The following FUCA2 variants were observed in gnomAD, a reference collection of about 807,000 sequenced individuals.
The protein encoded by FUCA2 is alpha-L-fucosidase 2.
Under a neutral mutation model 52.6 loss-of-function variants are expected in FUCA2, and 41 were observed. The observed-to-expected ratio is 0.78, with a 90% confidence interval of 0.61 to 1.01. FUCA2 has a LOEUF of 1.01. Ranked by LOEUF, FUCA2 falls within the 50% of genes least tolerant of loss-of-function variation. FUCA2 has a pLI of 0.00. For missense variants in FUCA2, 507 were observed against 569.5 expected, an observed-to-expected ratio of 0.89 and a Z score of 1.12; for synonymous variants, 211 against 217.3, an observed-to-expected ratio of 0.97 and a Z score of 0.26.
rs1476851149 is a variant in FUCA2 at position 143,495,699 on chromosome 6, G to A, written c.*8C>T. 2.5e-6 allele frequency: 4 copies of A among 1,611,724 alleles called. No homozygotes were observed. The highest frequency in any genetic ancestry group is 2.7e-5 in the African/African-American group (2 of 74,894). On this transcript the variant is annotated 3_prime_UTR_variant, in exon 7 of 7. Transcript: ENST00000002165. This position sits in a 1 kb window ranked among gnomAD's most constrained non-coding sequence, Gnocchi z 5.2. ...CATAACTTGCAGCATCAGCCACTCT[G>A]CTGCACTTTAGATCACATTAGTCAG...
At position 143,502,707 on chromosome 6, in the gene FUCA2, A is replaced by T; in HGVS notation, c.753-142T>A. 1.4e-6 allele frequency: 1 copy of T among 699,868 alleles called. No homozygotes were observed. The highest frequency in any genetic ancestry group is 2.3e-6 in the Non-Finnish European group (1 of 434,398). 43.4% of individuals were successfully genotyped at this position (699,868 alleles called of 1,614,324 possible). ...TACAGTGGAAAGCCCATGGTTTTGA[A>T]GTCAAACAGACCTGAGTTGATTGGA... is the stretch of plus-strand genomic sequence containing the variant. On this transcript the variant is annotated intron_variant, in intron 3 of 6. Coordinates refer to ENST00000002165, the MANE Select transcript of FUCA2 (RefSeq NM_032020.5). This position sits in a 1 kb window ranked among gnomAD's most constrained non-coding sequence, Gnocchi z 4.1.
chr6:143,503,937 A>G lies in FUCA2; in HGVS notation c.728T>C (p.Phe243Ser), dbSNP rs746495391. The change falls in exon 3 of 7, where the codon TTC becomes TCC. Residue 243 changes from phenylalanine (F) to serine (S), a missense_variant. By Grantham distance (155) the Phe-to-Ser change is radical (BLOSUM62 -2). Transcript: ENST00000002165. The surrounding 1 kb of genome is among the most constrained non-coding windows in gnomAD (Gnocchi z 4.8). ...CCTTTCATTATATAACCAGGCCAAGAAGCCTGTGCTGTTCCAGTATTGATC... is the reference window on the plus strand; with the variant it reads ...CCTTTCATTATATAACCAGGCCAAGGAGCCTGTGCTGTTCCAGTATTGATC... ...APDQYWNSTG[F>S]LAWLYNESPV... 8 of 1,613,330 alleles carry G rather than the reference A, an allele frequency of 5.0e-6. No individual in the cohort carries two copies. The highest frequency in any genetic ancestry group is 6.8e-6 in the Non-Finnish European group (8 of 1,179,630).
chr6:143,497,175 T>TA lies in FUCA2; in HGVS notation c.1263+213dup, dbSNP rs1255472376. 4.0e-6 allele frequency: 2 copies of TA among 498,738 alleles called. No individual in the cohort carries two copies. Among genetic ancestry groups the TA allele is most frequent in the African/African-American group, 3.9e-5 (2 of 50,902 alleles). The allele number at this position is 498,738 out of a possible 1,614,324, so 30.9% of individuals were successfully genotyped here. On this transcript the variant is annotated intron_variant, in intron 6 of 6. Transcript: ENST00000002165. This position sits in a 1 kb window ranked among gnomAD's most constrained non-coding sequence, Gnocchi z 5.3. ...AGGGGTCTTGCTATGTTGCCCAGGC[T>TA]AGTCTCAAACTTCTGGCCTCAAGAC...
Position 143,507,122 on chromosome 6 carries a change from C to G in FUCA2, c.412+115G>C, listed in dbSNP as rs938864376. ...TAAGTCATAAGCAAGTGCCAGTCACCACTTATGGTTGCTCCGAAGAGAAAA... is the reference window on the plus strand; with the variant it reads ...TAAGTCATAAGCAAGTGCCAGTCACGACTTATGGTTGCTCCGAAGAGAAAA... On this transcript the variant is annotated intron_variant, in intron 2 of 6. Coordinates refer to ENST00000002165, the MANE Select transcript of FUCA2 (RefSeq NM_032020.5). This position sits in a 1 kb window ranked among gnomAD's most constrained non-coding sequence, Gnocchi z 4.5. 1.1e-6 allele frequency: 1 copy of G among 911,170 alleles called. No individual in the cohort carries two copies. The highest frequency in any genetic ancestry group is 1.7e-5 in the African/African-American group (1 of 58,148). 56.4% of individuals were successfully genotyped at this position (911,170 alleles called of 1,614,324 possible). A position where few individuals can be genotyped will look rare whatever the true frequency, so the allele number is the denominator to read the frequency against.
chr6:143,507,258 A>G lies in FUCA2; in HGVS notation c.391T>C (p.Leu131=). 1.3e-6 allele frequency: 2 copies of G among 1,598,266 alleles called. No homozygotes were observed. The highest frequency in any genetic ancestry group is 1.7e-6 in the Non-Finnish European group (2 of 1,175,284). Reference sequence around the variant, plus strand: ...TTACCTTCATGATGTTTGGAAGTTAAGACAATGTATTTGGCACCAGAGGCC... The same window carrying G: ...TTACCTTCATGATGTTTGGAAGTTAGGACAATGTATTTGGCACCAGAGGCC... ...FQASGAKYIV[L]TSKHHEGFTL... is the part of the protein sequence containing the mutation. Residue 131 remains leucine (L), a synonymous_variant, in exon 2 of 7, where the codon TTA becomes CTA. Coordinates refer to ENST00000002165, the MANE Select transcript of FUCA2 (RefSeq NM_032020.5). The surrounding 1 kb of genome is among the most constrained non-coding windows in gnomAD (Gnocchi z 4.5).
Position 143,503,990 on chromosome 6 carries a change from C to T in FUCA2, c.675G>A (p.Leu225=). The T allele has an allele frequency of 6.2e-7, 1 of 1,614,180 alleles. No individual in the cohort carries two copies. The highest frequency in any genetic ancestry group is 8.5e-7 in the Non-Finnish European group (1 of 1,180,022). The change falls in exon 3 of 7, where the codon CTG becomes CTA. Residue 225 remains leucine (L), a synonymous_variant. Transcript: ENST00000002165. This position sits in a 1 kb window ranked among gnomAD's most constrained non-coding sequence, Gnocchi z 4.8. ...GTGCTCCTCCGTCACCATCCGACCA[C>T]AGAACCTCAGGCTGATAGTTGTTCA... ...ELVNNYQPEV[L]WSDGDGGAPD... is the part of the protein sequence containing the mutation.
Position 143,511,494 on chromosome 6 carries a change from G to A in FUCA2, c.141C>T (p.Pro47=), listed in dbSNP as rs763118634. Residue 47 remains proline (P), a synonymous_variant, in exon 1 of 7, where the codon CCC becomes CCT. Transcript: ENST00000002165. This position sits in a 1 kb window ranked among gnomAD's most constrained non-coding sequence, Gnocchi z 6.3. ...CGAACTTGGCCTGGTCAAACCACGC[G>A]GGCAGCTGGCGGGCGTCCAGGGACT... is the stretch of plus-strand genomic sequence containing the variant. The part of the protein sequence containing the change: ...TWESLDARQL[P]AWFDQAKFGI... The A allele has an allele frequency of 7.5e-6, 12 of 1,604,212 alleles. No homozygotes were observed. The highest frequency in any genetic ancestry group is 3.4e-5 in the Admixed American group (2 of 58,732).
At position 143,503,774 on chromosome 6, in the gene FUCA2, A is replaced by G; in HGVS notation, c.752+139T>C. 1.6e-6 allele frequency: 1 copy of G among 634,544 alleles called. No individual in the cohort carries two copies. Among genetic ancestry groups the G allele is most frequent in the South Asian group, 2.3e-5 (1 of 44,178 alleles). 39.3% of individuals were successfully genotyped at this position (634,544 alleles called of 1,614,324 possible). On this transcript the variant is annotated intron_variant, in intron 3 of 6. Transcript: ENST00000002165. This position sits in a 1 kb window ranked among gnomAD's most constrained non-coding sequence, Gnocchi z 4.8. ...TTGAGTAAATAGTGATATATCTAAT[A>G]AGTATTATTTACAATGATTTTCTCC...
In FUCA2 at chr6:143,500,325, G is replaced by T. The variant is rs1162783412; in HGVS notation, c.1154+1607C>A. ...TTTGGAAGCCGAAGTGCCATGCAGA[G>T]TGAGCCAAAATATAAGAAGTGGTAG... is the stretch of plus-strand genomic sequence containing the variant. On this transcript the variant is annotated intron_variant, in intron 5 of 6. Transcript: ENST00000002165. The surrounding 1 kb of genome is among the most constrained non-coding windows in gnomAD (Gnocchi z 6.9). Among the ~76,000 whole-genome samples the T allele has an allele frequency of 6.6e-6, 1 of 152,152 alleles. No homozygotes were observed. The highest frequency in any genetic ancestry group is 2.4e-5 in the African/African-American group (1 of 41,426).
At chr6:143,496,550 A>T (rs1780462637) in intron 6 of FUCA2, 1 of 152,242 alleles carries the variant, frequency 6.6e-6, no homozygotes. Context: ...AATGCAGAAA[A>T]GTGATGCAAG....
At position 143,508,108 on chromosome 6, in the gene FUCA2, G is replaced by A. The variant is rs151079124; in HGVS notation, c.225-684C>T. Among the ~76,000 whole-genome samples the A allele has an allele frequency of 9.8e-3, 1,488 of 152,298 alleles. 12 individuals are homozygous for A. Among genetic ancestry groups the A allele is most frequent in the Middle Eastern group, 0.02 (6 of 294 alleles). ...ACATAATATGCATCTATTATATTCA[G>A]TAGTAGAGAACACTTTGGAGGCACA... On this transcript the variant is annotated intron_variant, in intron 1 of 6. Coordinates refer to ENST00000002165, the MANE Select transcript of FUCA2 (RefSeq NM_032020.5).
rs9496650 is a variant in FUCA2 at position 143,511,689 on chromosome 6, T to C, written c.-55A>G. On this transcript the variant is annotated 5_prime_UTR_variant, in exon 1 of 7. Transcript: ENST00000002165. The surrounding 1 kb of genome is among the most constrained non-coding windows in gnomAD (Gnocchi z 6.3). ...CAGGCTCCCGCGGCCTCGGGAGCGC[T>C]GTTCTTCCGTCTCTGCCGCTGAGTA... is the stretch of plus-strand genomic sequence containing the variant. 13,454 of 1,399,622 alleles carry C rather than the reference T, an allele frequency of 9.6e-3. 520 individuals carry two copies. The Admixed American group carries it at 0.12, about 13-fold the overall frequency. 86.7% of individuals were successfully genotyped at this position (1,399,622 alleles called of 1,614,324 possible).
At position 143,511,283 on chromosome 6, in the gene FUCA2, G is replaced by A. The variant is rs1584031954; in HGVS notation, c.224+128C>T. The A allele has an allele frequency of 1.3e-6, 1 of 752,658 alleles. No homozygotes were observed. The highest frequency in any genetic ancestry group is 3.0e-5 in the East Asian group (1 of 32,822). 46.6% of individuals were successfully genotyped at this position (752,658 alleles called of 1,614,324 possible). On this transcript the variant is annotated intron_variant, in intron 1 of 6. Coordinates refer to ENST00000002165, the MANE Select transcript of FUCA2 (RefSeq NM_032020.5). The surrounding 1 kb of genome is among the most constrained non-coding windows in gnomAD (Gnocchi z 6.3). ...CCCGGAAGTGCGAAACGCGGGTAACGCAGTGGGAGGTGAAACCGACGAGGG... is the reference window on the plus strand; with the variant it reads ...CCCGGAAGTGCGAAACGCGGGTAACACAGTGGGAGGTGAAACCGACGAGGG...
At position 143,511,559 on chromosome 6, in the gene FUCA2, A is replaced by ACGGCGG. The variant is rs764488266; in HGVS notation, c.70_75dup (p.Pro24_Pro25dup). ...AAGCGCGTGGCGCTGTGGGCAGGGC[A>ACGGCGG]CGGCGGCGGCGGCAGCAGCAGCAAC... On this transcript the variant is annotated inframe_insertion, in exon 1 of 7. Coordinates refer to ENST00000002165, the MANE Select transcript of FUCA2 (RefSeq NM_032020.5). The surrounding 1 kb of genome is among the most constrained non-coding windows in gnomAD (Gnocchi z 6.3). 1.9e-6 allele frequency: 3 copies of ACGGCGG among 1,571,036 alleles called. No homozygotes were observed. The highest frequency in any genetic ancestry group is 1.2e-5 in the South Asian group (1 of 86,310).
In FUCA2 at chr6:143,495,931, G is replaced by A. The variant is rs903038534; in HGVS notation, c.1264-84C>T. The A allele has an allele frequency of 8.5e-6, 12 of 1,410,454 alleles. No homozygotes were observed. In the Admixed American group the frequency reaches 2.3e-4, roughly 27 times the overall value. 87.4% of individuals were successfully genotyped at this position (1,410,454 alleles called of 1,614,324 possible). On this transcript the variant is annotated intron_variant, in intron 6 of 6. Transcript: ENST00000002165. The surrounding 1 kb of genome is among the most constrained non-coding windows in gnomAD (Gnocchi z 5.2). ...TTCTATTGGGAAGGAGTGATTAGTA[G>A]TTCAAACAAAATTGTAGACAAGAGG...
chr6:143,507,431 G>A lies in FUCA2; in HGVS notation c.225-7C>T. The A allele has an allele frequency of 6.3e-7, 1 of 1,574,882 alleles. No individual in the cohort carries two copies. The highest frequency in any genetic ancestry group is 8.6e-7 in the Non-Finnish European group (1 of 1,166,676). ...TTCCTTTTGCCAATACCACCTAAGG[G>A]GAGGAAAGGAAAGAGTGCATAAACA... On this transcript the variant is annotated splice_region_variant and splice_polypyrimidine_tract_variant and intron_variant, in intron 1 of 6. Coordinates refer to ENST00000002165, the MANE Select transcript of FUCA2 (RefSeq NM_032020.5). This position sits in a 1 kb window ranked among gnomAD's most constrained non-coding sequence, Gnocchi z 4.5.
In FUCA2 at chr6:143,503,617, G is replaced by A; in HGVS notation, c.752+296C>T. ...CCAGAATAGAGGCCATAAAGGACCA[G>A]GGTAGGAGAGAAAAAGGGGGGACCC... On this transcript the variant is annotated intron_variant, in intron 3 of 6. Coordinates refer to ENST00000002165, the MANE Select transcript of FUCA2 (RefSeq NM_032020.5). This position sits in a 1 kb window ranked among gnomAD's most constrained non-coding sequence, Gnocchi z 4.8. The A allele has an allele frequency of 3.3e-6, 1 of 299,420 alleles. No individual in the cohort carries two copies. Among genetic ancestry groups the A allele is most frequent in the Non-Finnish European group, 6.2e-6 (1 of 160,362 alleles). The allele number at this position is 299,420 out of a possible 1,614,324, so 18.5% of individuals were successfully genotyped here. A position where few individuals can be genotyped will look rare whatever the true frequency, so the allele number is the denominator to read the frequency against.
rs2128421416 is a variant in FUCA2 at position 143,497,390 on chromosome 6, T to A, written c.1262A>T (p.Glu421Val). 1 of 1,600,566 alleles carries A rather than the reference T, an allele frequency of 6.2e-7. No individual in the cohort carries two copies. Among genetic ancestry groups the A allele is most frequent in the East Asian group, 2.2e-5 (1 of 44,802 alleles). Residue 421 changes from glutamate (E) to valine (V), a missense_variant and splice_region_variant, in exon 6 of 7, where the codon GAG (glutamate) becomes GTG (valine). Coordinates refer to ENST00000002165, the MANE Select transcript of FUCA2 (RefSeq NM_032020.5). This position sits in a 1 kb window ranked among gnomAD's most constrained non-coding sequence, Gnocchi z 5.3. ...GHPKAILGATEVKLLGHGQPL... is the reference protein window; with the variant it reads ...GHPKAILGATVVKLLGHGQPL... ...GAATAAGGTAAAATTCCCTCTTACC[T>A]CTGTTGCCCCCAGAATAGCTTTGGG...
chr6:143,497,453 A>G lies in FUCA2; in HGVS notation c.1199T>C (p.Leu400Pro). 6.2e-7 allele frequency: 1 copy of G among 1,613,914 alleles called. No individual in the cohort carries two copies. The highest frequency in any genetic ancestry group is 1.3e-5 in the African/African-American group (1 of 75,030). The change falls in exon 6 of 7, where the codon CTT becomes CCT. Residue 400 changes from leucine (L) to proline (P), a missense_variant. Physicochemically the swap from Leu to Pro is moderately conservative, Grantham distance 98. Transcript: ENST00000002165. This position sits in a 1 kb window ranked among gnomAD's most constrained non-coding sequence, Gnocchi z 5.3. ...CAGCTGTCCTGATGTGGGCCATTTA[A>G]GAAAAATGGCATAGACTAATTTTTC... ...PKEKLVYAIF[L>P]KWPTSGQLFL... is the part of the protein sequence containing the mutation.
Sources: gnomAD v4.1 joint callset for allele counts (sites outside exome capture counted in the v4.1 genomes callset) on GRCh38, gnomAD v4.1.1 for gene constraint, Gnocchi (gnomAD v3.1) non-coding constraint, MANE v1.5 for transcripts, NCBI Gene and HGNC (gene_info 2026-07-23, HGNC 2026-07-21) for gene names.